The following USP40 variants were observed in gnomAD, a reference collection of about 807,000 sequenced individuals.
The protein encoded by USP40 is ubiquitin carboxyl-terminal hydrolase 40.
Under a neutral mutation model 166.2 loss-of-function variants are expected in USP40, and 143 were observed. The observed-to-expected ratio is 0.86, with a 90% confidence interval of 0.75 to 0.99. USP40 has a LOEUF of 0.99. Ranked by LOEUF, USP40 falls within the 50% of genes least tolerant of loss-of-function variation. The probability of loss-of-function intolerance (pLI) is 0.00; values close to 1 mark genes in which losing one functional copy is unlikely to be tolerated. For missense variants in USP40, 1,444 were observed against 1,479.7 expected (o/e 0.98, Z 0.40); for synonymous variants, 498 against 524.0 (o/e 0.95, Z 0.68).
chr2:233,495,158 T>C (rs1164766638), intron 24 of USP40, among the ~76,000 whole-genome samples: 4 of 151,212 alleles, frequency 2.6e-5, no homozygotes, highest in Admixed American at 1.3e-4. Context: ...TTGAATGAGA[T>C]AGCTTCACAG....
chr2:233,533,789 AAC>A lies in USP40; in HGVS notation c.1171-12_1171-11del. The A allele has an allele frequency of 7.0e-7, 1 of 1,429,354 alleles. No individual in the cohort carries two copies. Among genetic ancestry groups the A allele is most frequent in the South Asian group, 1.3e-5 (1 of 75,592 alleles). The allele number at this position is 1,429,354 out of a possible 1,614,324, so 88.5% of individuals were successfully genotyped here. On this transcript the variant is annotated splice_polypyrimidine_tract_variant and intron_variant, in intron 10 of 31. Coordinates refer to ENST00000678225, the MANE Select transcript of USP40 (RefSeq NM_001365479.2). ...AATGGAGCTGTAAGAACTACACAGA[AAC>A]AAAAAAAAAAATGCTAAGTTAATTA...
intron 10 of USP40, among the ~76,000 whole-genome samples, chr2:233,534,217 C>T (rs2068772016): frequency 6.6e-6 from 1 of 152,134 alleles, no homozygotes; most frequent in African/African-American, 2.4e-5. Context: ...AATTATCAAC[C>T]TAAATTATCT....
intron 25 of USP40, among the ~76,000 whole-genome samples, chr2:233,491,814 T>G (rs2065366092): frequency 6.6e-6 from 1 of 152,146 alleles, no homozygotes; most frequent in African/African-American, 2.4e-5. Context: ...TCCAAGTTTG[T>G]TTAAAAAAAG....
chr2:233,506,134 T>C (rs1244717936), intron 21 of USP40, among the ~76,000 whole-genome samples: 1 of 152,132 alleles, frequency 6.6e-6, no homozygotes. Flanking sequence ...AGCAGGGTAC[T>C]GGCAAAAAGT....
chr2:233,549,523 C>T (rs774132195), intron 7 of USP40, among the ~76,000 whole-genome samples: 1 of 152,056 alleles, frequency 6.6e-6, no homozygotes, highest in South Asian at 2.1e-4. Flanking sequence ...GCCAATAAAA[C>T]AATGAAATAT....
chr2:233,494,601 C>T (rs565918594), intron 24 of USP40, among the ~76,000 whole-genome samples: 19 of 151,912 alleles, frequency 1.3e-4, no homozygotes, highest in African/African-American at 4.1e-4. Flanking sequence ...CTTGGTGGCT[C>T]ACAGCTGTAA....
In USP40 at chr2:233,477,336, A is replaced by G. The variant is rs182511239; in HGVS notation, c.*56T>C. The G allele has an allele frequency of 6.4e-7, 1 of 1,552,810 alleles. No individual in the cohort carries two copies. The highest frequency in any genetic ancestry group is 1.7e-5 in the Admixed American group (1 of 57,506). ...GCCAGTCCCCATGCCCAGGAAACCCACGTTTGTGGCATCAGCCGGAGAGTT... is the reference window on the plus strand; with the variant it reads ...GCCAGTCCCCATGCCCAGGAAACCCGCGTTTGTGGCATCAGCCGGAGAGTT... On this transcript the variant is annotated 3_prime_UTR_variant, in exon 32 of 32. Coordinates refer to ENST00000678225, the MANE Select transcript of USP40 (RefSeq NM_001365479.2).
chr2:233,554,971 T>C (rs532688538), intron 5 of USP40, among the ~76,000 whole-genome samples: 3 of 152,066 alleles, frequency 2.0e-5, no homozygotes, highest in African/African-American at 7.2e-5. Flanking sequence ...AAAGAAGTTA[T>C]AAGAAAAAAA....
chr2:233,529,586 T>C (rs2068329076), intron 11 of USP40, 74 bp from the exon 12 acceptor site: 1 of 1,087,824 alleles, frequency 9.2e-7, no homozygotes. Flanking sequence ...GCATGAAGAC[T>C]AGGAAGGACT....
At chr2:233,490,962 C>T in intron 26 of USP40, 1 of 697,510 alleles carries the variant, frequency 1.4e-6, no homozygotes. Flanking sequence ...GCATGCCTGT[C>T]AGAGGAGGGA....
rs766240160 is a variant in USP40, at chr2:233,485,825, T to C, written c.3350A>G (p.Lys1117Arg). The C allele has an allele frequency of 6.2e-7, 1 of 1,612,152 alleles. No homozygotes were observed. The highest frequency in any genetic ancestry group is 1.1e-5 in the South Asian group (1 of 90,422). Residue 1117 changes from lysine (K) to arginine (R), a missense_variant, in exon 29 of 32, where the codon AAG (lysine) becomes AGG (arginine). By Grantham distance (26) the Lys-to-Arg change is conservative. Transcript: ENST00000678225. ...VADFYRLPVEKIEIAKYFPEK... is the reference protein window; with the variant it reads ...VADFYRLPVERIEIAKYFPEK... ...GGGAAAGTATTTGGCAATTTCAATC[T>C]TCTCCACGGGAAGACGATAGAAATC...
In USP40 at chr2:233,527,391, A is replaced by G. The variant is rs779821437; in HGVS notation, c.1725+16T>C. 1 of 1,610,326 alleles carries G rather than the reference A, an allele frequency of 6.2e-7. No homozygotes were observed. Among genetic ancestry groups the G allele is most frequent in the Admixed American group, 1.7e-5 (1 of 59,784 alleles). ...GTGCTCGATGTCTGAATTAAGAGGA[A>G]GTAAGGCGATATTACCTGAAATATT... On this transcript the variant is annotated intron_variant, in intron 13 of 31. Transcript: ENST00000678225.
chr2:233,565,977 C>A (rs2072107846), intron 1 of USP40, among the ~76,000 whole-genome samples: 1 of 152,170 alleles, frequency 6.6e-6, no homozygotes, highest in African/African-American at 2.4e-5. Flanking sequence ...TAATCCACTG[C>A]TGGGACGGCA....
chr2:233,540,761 A>C lies in USP40; in HGVS notation c.1071T>G (p.Asn357Lys). 1 of 1,611,990 alleles carries C rather than the reference A, an allele frequency of 6.2e-7. No homozygotes were observed. The change falls in exon 10 of 32, where the codon AAT becomes AAG. Residue 357 changes from asparagine (N) to lysine (K), a missense_variant. Asn to Lys is a moderately conservative substitution (Grantham distance 94). Transcript: ENST00000678225. ...ILKAILLEEENNLIPVDQLGQ... is the reference protein window; with the variant it reads ...ILKAILLEEEKNLIPVDQLGQ... ...CCAGCTGATCAACAGGAATTAGATTATTCTCCTCCTTATGAGAGAAACACA... is the reference window on the plus strand; with the variant it reads ...CCAGCTGATCAACAGGAATTAGATTCTTCTCCTCCTTATGAGAGAAACACA...
rs202226925 is a variant in USP40 at position 233,517,379 on chromosome 2, G to GTTTTTTTTTTTTTTTTTTTTTTTTTT, written c.2383+2234_2383+2235insAAAAAAAAAAAAAAAAAAAAAAAAAA. Among the ~76,000 whole-genome samples, 3 of 137,142 alleles carry GTTTTTTTTTTTTTTTTTTTTTTTTTT rather than the reference G, an allele frequency of 2.2e-5. 1 individual carries two copies. The highest frequency in any genetic ancestry group is 2.8e-5 in the African/African-American group (1 of 35,630). The allele number at this position is 137,142 out of a possible 152,430, so 90.0% of individuals were successfully genotyped here. On this transcript the variant is annotated intron_variant, in intron 18 of 31. Transcript: ENST00000678225. ...CAAAAAAGATACTTGCACATGCATG[G>GTTTTTTTTTTTTTTTTTTTTTTTTTT]TTTTTTGTTTTTTTTTTTTTTTTGA...
chr2:233,477,540 G>GAGCTGC (rs756254656), intron 31 of USP40, 37 bp from the exon 32 acceptor site: 3 of 1,567,958 alleles, frequency 1.9e-6, no homozygotes, highest in South Asian at 1.1e-5. Flanking sequence ...ACTCATGGAT[G>GAGCTGC]CAGTGGGTGT....
rs920151396 is a variant in USP40, at chr2:233,550,706, T to G, written c.837+670A>C. On this transcript the variant is annotated intron_variant, in intron 7 of 31. Coordinates refer to ENST00000678225, the MANE Select transcript of USP40 (RefSeq NM_001365479.2). ...TACTCTTTTCACCCAGACCTTGGTA[T>G]GTACAGCAATGTTATAAAAAACATT... 1.6e-4 allele frequency among the ~76,000 whole-genome samples: 24 copies of G among 152,220 alleles called. 1 individual carries two copies. The highest frequency in any genetic ancestry group is 5.5e-4 in the African/African-American group (23 of 41,468).
intron 18 of USP40, among the ~76,000 whole-genome samples, chr2:233,513,397 T>C (rs930500621): frequency 2.0e-5 from 3 of 152,226 alleles, no homozygotes; most frequent in Non-Finnish European, 4.4e-5. Flanking sequence ...CACAACTACA[T>C]GCTTTGCTGT....
intron 2 of USP40, among the ~76,000 whole-genome samples, chr2:233,564,318 T>C (rs527253869): frequency 1.1e-4 from 17 of 152,192 alleles, no homozygotes; most frequent in South Asian, 1.0e-3. Context: ...CCTCCTAATA[T>C]GGAGACACTG....
Sources: allele counts gnomAD v4.1 joint callset (sites outside exome capture counted in the v4.1 genomes callset), GRCh38; gene constraint gnomAD v4.1.1; transcripts MANE v1.5; gene names NCBI Gene and HGNC (gene_info 2026-07-23, HGNC 2026-07-21).